The following VWC2L variants were observed in gnomAD, a reference collection of about 807,000 sequenced individuals.
VWC2L encodes the protein von Willebrand factor C domain containing 2 like, also known as von Willebrand factor C domain-containing protein 2-like.
In VWC2L, 10 loss-of-function variants were observed where a neutral mutation model predicts 21.6. That is an observed-to-expected ratio of 0.46 (90% CI 0.29 to 0.78). The LOEUF is 0.78. Ranked by LOEUF, VWC2L falls within the 30% of genes least tolerant of loss-of-function variation. The pLI is 0.10. For missense variants in VWC2L, 209 were observed against 277.1 expected (o/e 0.75, Z 1.74); for synonymous variants, 96 against 94.3 (o/e 1.02, Z -0.10).
chr2:214,509,225 A>G (rs1689015983), intron 3 of VWC2L, among the ~76,000 whole-genome samples: 2 of 152,176 alleles, frequency 1.3e-5, no homozygotes, highest in African/African-American at 4.8e-5. Context: ...GAATTTTCCT[A>G]ACGTATGTAT....
At chr2:214,490,206 T>A (rs1203068057) in intron 3 of VWC2L, among the ~76,000 whole-genome samples, 1 of 152,172 alleles carries the variant, frequency 6.6e-6, no homozygotes, top group Non-Finnish European at 1.5e-5. Context: ...TTAGAAGGGC[T>A]CACTCTCCTT....
intron 3 of VWC2L, among the ~76,000 whole-genome samples, chr2:214,480,195 T>G (rs995623877): frequency 6.6e-6 from 1 of 152,214 alleles, no homozygotes; most frequent in African/African-American, 2.4e-5. Flanking sequence ...TAATGCCCTG[T>G]GTATACTAAA....
intron 3 of VWC2L, among the ~76,000 whole-genome samples, chr2:214,469,195 A>T (rs1262038974): frequency 6.6e-6 from 1 of 152,240 alleles, no homozygotes; most frequent in Non-Finnish European, 1.5e-5. Context: ...TGCCAATAAC[A>T]CTATCAAATA....
chr2:214,536,863 T>A (rs1689539482), intron 3 of VWC2L: 1 of 151,926 alleles, frequency 6.6e-6, no homozygotes, highest in Admixed American at 6.6e-5. Context: ...ACTATCACTA[T>A]CCCTAAATAA....
rs879703958 is a variant in VWC2L, at chr2:214,521,279, A to AT, written c.521-54393_521-54392insT. ...AATAAATAAATAAATAAATAAATAA[A>AT]ACTACCAAGTTTGAGCAAACATGCT... On this transcript the variant is annotated intron_variant, in intron 3 of 3. Coordinates refer to ENST00000312504, the MANE Select transcript of VWC2L (RefSeq NM_001080500.4). Among the ~76,000 whole-genome samples the AT allele has an allele frequency of 7.0e-3, 1,032 of 148,318 alleles. 6 individuals are homozygous for AT. Among genetic ancestry groups the AT allele is most frequent in the East Asian group, 0.019 (92 of 4,860 alleles).
At chr2:214,524,617 T>A (rs544990433) in intron 3 of VWC2L, among the ~76,000 whole-genome samples, 1 of 152,202 alleles carries the variant, frequency 6.6e-6, no homozygotes, top group South Asian at 2.1e-4. Context: ...TTTTAGGTGC[T>A]GAGGATACAG....
intron 2 of VWC2L, among the ~76,000 whole-genome samples, chr2:214,421,017 G>A (rs575656144): frequency 2.6e-5 from 4 of 152,074 alleles, no homozygotes; most frequent in Non-Finnish European, 5.9e-5. Flanking sequence ...TCTCAATGGG[G>A]GATTCCCATC....
intron 3 of VWC2L, among the ~76,000 whole-genome samples, chr2:214,475,703 T>A (rs1174696388): frequency 6.6e-6 from 1 of 151,680 alleles, no homozygotes; most frequent in Non-Finnish European, 1.5e-5. Context: ...AAACCGGAAA[T>A]CTGATTTTTA....
intron 3 of VWC2L, among the ~76,000 whole-genome samples, chr2:214,531,516 A>G (rs76940124): frequency 0.2 from 31,126 of 152,136 alleles, 3,749 homozygotes; most frequent in Admixed American, 0.26. Context: ...GATCTATTCT[A>G]CAGGTAATCA....
intron 3 of VWC2L, among the ~76,000 whole-genome samples, chr2:214,556,600 G>A (rs1689876647): frequency 6.6e-6 from 1 of 152,160 alleles, no homozygotes. Context: ...TGAGTTGGGT[G>A]CCACAGCCAG....
chr2:214,458,328 G>T (rs920595682), intron 3 of VWC2L, among the ~76,000 whole-genome samples: 1 of 151,632 alleles, frequency 6.6e-6, no homozygotes, highest in East Asian at 1.9e-4. Context: ...TTTTTTCATG[G>T]TTAGTCTACT....
chr2:214,558,432 T>A (rs1051684729), intron 3 of VWC2L, among the ~76,000 whole-genome samples: 1 of 152,212 alleles, frequency 6.6e-6, no homozygotes, highest in Non-Finnish European at 1.5e-5. Flanking sequence ...CTTTCTAACA[T>A]TGACCTCATT....
chr2:214,432,647 C>G lies in VWC2L; in HGVS notation c.391-3982C>G, dbSNP rs547372148. 6.6e-5 allele frequency among the ~76,000 whole-genome samples: 10 copies of G among 152,322 alleles called. No individual in the cohort carries two copies. In the South Asian group the frequency reaches 1.2e-3, roughly 19 times the overall value. ...ATTTATGAAAGAGTCTCATTTTGCT[C>G]TATTAACTATACTGTGTATAGCAGG... On this transcript the variant is annotated intron_variant, in intron 2 of 3. Transcript: ENST00000312504.
intron 3 of VWC2L, among the ~76,000 whole-genome samples, chr2:214,561,803 TATATATAC>T (rs928178733): frequency 1.2e-5 from 1 of 80,152 alleles, no homozygotes; most frequent in African/African-American, 4.7e-5. Flanking sequence ...TATATATATA[TATATATAC>T]ACACACATAT....
rs1352750607 is a variant in VWC2L, at chr2:214,564,723, A to G, written c.521-10949A>G. Among the ~76,000 whole-genome samples, 3 of 152,342 alleles carry G rather than the reference A, an allele frequency of 2.0e-5. No homozygotes were observed. In the East Asian group the frequency reaches 5.8e-4, roughly 29 times the overall value. On this transcript the variant is annotated intron_variant, in intron 3 of 3. Transcript: ENST00000312504. ...TGTAAGGAAAGAAAGGAAGCACTAC[A>G]ACATTAAATGTATGCATTGATTTAA...
At chr2:214,554,361 G>C (rs1467113087) in intron 3 of VWC2L, among the ~76,000 whole-genome samples, 1 of 152,102 alleles carries the variant, frequency 6.6e-6, no homozygotes. Flanking sequence ...AGTTCAGGCC[G>C]TGATGAGAAA....
intron 1 of VWC2L, 32 bp downstream of exon 1, chr2:214,411,818 G>A (rs1702274667): frequency 6.6e-6 from 1 of 151,948 alleles, no homozygotes; most frequent in African/African-American, 2.4e-5. Context: ...AATTATGTTT[G>A]TTTTCTCAAA....
chr2:214,552,673 G>T (rs1200677792), intron 3 of VWC2L, among the ~76,000 whole-genome samples: 1 of 152,130 alleles, frequency 6.6e-6, no homozygotes, highest in Non-Finnish European at 1.5e-5. Flanking sequence ...TTAAATGTTA[G>T]TTCCTTGGGA....
At chr2:214,486,509 G>C (rs992651380) in intron 3 of VWC2L, among the ~76,000 whole-genome samples, 1 of 152,072 alleles carries the variant, frequency 6.6e-6, no homozygotes, top group East Asian at 1.9e-4. Context: ...GAACTGCTCA[G>C]AACAGCCCCT....
Sources: allele counts gnomAD v4.1 joint callset (sites outside exome capture counted in the v4.1 genomes callset), GRCh38; gene constraint gnomAD v4.1.1; transcripts MANE v1.5; gene names NCBI Gene and HGNC (gene_info 2026-07-23, HGNC 2026-07-21).